Variants in PCDH11X observed in about 807,000 individuals in gnomAD.
PCDH11X encodes the protein protocadherin 11 X-linked.
A neutral mutation model predicts 53.3 loss-of-function variants in PCDH11X; 18 were observed. The observed-to-expected ratio is 0.34, with a 90% CI of 0.23 to 0.50. PCDH11X has a LOEUF of 0.50. PCDH11X is among the 20% of genes least tolerant of loss of function. The pLI, the probability that PCDH11X is intolerant of heterozygous loss-of-function variation, is 0.98. For missense variants in PCDH11X, 570 were observed against 1,032.4 expected (o/e 0.55, Z 6.14); for synonymous variants, 279 against 393.3 (o/e 0.71, Z 3.44).
intron 7 of PCDH11X, among the ~76,000 whole-genome samples, chrX:92,219,646 C>T (rs2066817174): frequency 1.1e-5 from 1 of 90,353 alleles, no homozygotes. Flanking sequence ...AGATTCAATG[C>T]CATCCCCATA....
At chrX:92,210,492 G>A (rs950738176) in intron 7 of PCDH11X, among the ~76,000 whole-genome samples, 2 of 110,200 alleles carry the variant, frequency 1.8e-5, no homozygotes, top group African/African-American at 6.6e-5. Context: ...ACCTGCCTCA[G>A]CCTCCCAAAG....
intron 7 of PCDH11X, among the ~76,000 whole-genome samples, chrX:92,240,530 G>A (rs1366217653): frequency 9.0e-6 from 1 of 111,449 alleles, no homozygotes; most frequent in African/African-American, 3.3e-5. Flanking sequence ...TACTCACAAA[G>A]TACAGGGGGT....
At chrX:92,386,787 T>G in intron 8 of PCDH11X, among the ~76,000 whole-genome samples, 1 of 103,269 alleles carries the variant, frequency 9.7e-6, no homozygotes, top group East Asian at 3.0e-4. Context: ...ATGCTCCCAG[T>G]ACTCAAACTA....
At chrX:92,603,572 A>T (rs942853143) in intron 10 of PCDH11X, among the ~76,000 whole-genome samples, 4 of 108,948 alleles carry the variant, frequency 3.7e-5, no homozygotes, top group African/African-American at 1.3e-4. Context: ...GGGAAAAAAA[A>T]AGACTTTCAG....
At chrX:92,267,678 T>G (rs2067863281) in intron 8 of PCDH11X, among the ~76,000 whole-genome samples, 1 of 112,699 alleles carries the variant, frequency 8.9e-6, no homozygotes, top group South Asian at 3.6e-4. Context: ...ATTTAGAATT[T>G]TGAATGCAGA....
At chrX:92,500,915 A>T (rs1263371883) in intron 10 of PCDH11X, among the ~76,000 whole-genome samples, 3 of 110,825 alleles carry the variant, frequency 2.7e-5, no homozygotes, top group African/African-American at 9.9e-5. Flanking sequence ...AAACACTTTT[A>T]AAAAAATCAA....
intron 8 of PCDH11X, among the ~76,000 whole-genome samples, chrX:92,301,734 C>CTTTTTTTTTT (rs1569459116): frequency 3.6e-5 from 4 of 109,745 alleles, no homozygotes; most frequent in African/African-American, 1.4e-4. Flanking sequence ...GCTTCCTTTT[C>CTTTTTTTTTT]TTGTGTTGTC....
chrX:92,367,821 G>C (rs1430447741), intron 8 of PCDH11X, among the ~76,000 whole-genome samples: 1 of 111,280 alleles, frequency 9.0e-6, no homozygotes, highest in East Asian at 2.8e-4. Context: ...TTGAATATTG[G>C]CCCCCACCCT....
At position 91,779,959 on chromosome X, in the gene PCDH11X, G is replaced by A. The variant is rs769487331; in HGVS notation, c.-379+275G>A. On this transcript the variant is annotated intron_variant, in intron 1 of 10. Coordinates refer to ENST00000682573, the MANE Select transcript of PCDH11X (RefSeq NM_032968.5). Reference sequence around the variant, plus strand: ...GAAAACTCTCACTTTTGTCAGAAATGTGTCGGCGCATGAATTTCCCCGACA... The same window carrying A: ...GAAAACTCTCACTTTTGTCAGAAATATGTCGGCGCATGAATTTCCCCGACA... Among the ~76,000 whole-genome samples, 3 of 111,852 alleles carry A rather than the reference G, an allele frequency of 2.7e-5. No homozygotes were observed. The Admixed American group carries it at 2.8e-4, about 11-fold the overall frequency.
At chrX:91,977,933 T>G (rs1374081333) in intron 6 of PCDH11X, among the ~76,000 whole-genome samples, 1 of 111,592 alleles carries the variant, frequency 9.0e-6, no homozygotes, top group Non-Finnish European at 1.9e-5. Context: ...AATTGTTTTC[T>G]CCTTCAAGTT....
chrX:92,564,721 A>C (rs1921254908), intron 10 of PCDH11X, among the ~76,000 whole-genome samples: 1 of 111,770 alleles, frequency 8.9e-6, no homozygotes, highest in Admixed American at 9.5e-5. Flanking sequence ...GAAATTTCTT[A>C]AGTAATATCT....
intron 7 of PCDH11X, among the ~76,000 whole-genome samples, chrX:92,233,472 G>A (rs2067118673): frequency 9.0e-6 from 1 of 111,170 alleles, no homozygotes; most frequent in African/African-American, 3.3e-5. Context: ...AAACATTCAC[G>A]AGTTATAAGT....
intron 7 of PCDH11X, among the ~76,000 whole-genome samples, chrX:92,255,282 T>C: frequency 9.8e-6 from 1 of 102,287 alleles, no homozygotes; most frequent in South Asian, 5.0e-4. Context: ...GCCTTGGTTT[T>C]CAGCTCCATC....
intron 5 of PCDH11X, among the ~76,000 whole-genome samples, chrX:91,847,587 A>G (rs1172346613): frequency 9.0e-6 from 1 of 111,410 alleles, no homozygotes; most frequent in Non-Finnish European, 1.9e-5. Flanking sequence ...GAGAGCTGCC[A>G]TCTTCTGCAA....
chrX:92,145,364 G>T (rs2065252208), intron 6 of PCDH11X, among the ~76,000 whole-genome samples: 1 of 110,532 alleles, frequency 9.0e-6, no homozygotes, highest in Non-Finnish European at 1.9e-5. Flanking sequence ...TGTATGGTCT[G>T]TGAGTAGAAA....
intron 6 of PCDH11X, among the ~76,000 whole-genome samples, chrX:91,975,919 G>A (rs945768363): frequency 5.4e-5 from 6 of 111,132 alleles, no homozygotes; most frequent in African/African-American, 2.0e-4. Context: ...ACAGAGATGG[G>A]CTTTGAGAGG....
At chrX:91,889,861 A>G (rs1292413828) in intron 6 of PCDH11X, among the ~76,000 whole-genome samples, 8 of 111,404 alleles carry the variant, frequency 7.2e-5, no homozygotes, top group Non-Finnish European at 1.1e-4. Flanking sequence ...TTTACATGCT[A>G]TATAAAGTTG....
At chrX:92,104,578 C>T (rs935328975) in intron 6 of PCDH11X, among the ~76,000 whole-genome samples, 1 of 110,806 alleles carries the variant, frequency 9.0e-6, no homozygotes, top group African/African-American at 3.3e-5. Context: ...TGGGGTCAAG[C>T]GGCATTGCAG....
intron 9 of PCDH11X, among the ~76,000 whole-genome samples, chrX:92,435,947 T>C (rs1314747185): frequency 2.8e-5 from 3 of 108,702 alleles, no homozygotes; most frequent in Middle Eastern, 4.3e-3. Flanking sequence ...AATACCAACA[T>C]TGAATGTAAA....
Sources: gnomAD v4.1 joint callset for allele counts (sites outside exome capture counted in the v4.1 genomes callset) on GRCh38, gnomAD v4.1.1 for gene constraint, MANE v1.5 for transcripts, NCBI Gene and HGNC (gene_info 2026-07-23, HGNC 2026-07-21) for gene names.